Variants in PRKN observed in about 807,000 individuals in gnomAD.
The protein encoded by PRKN is parkin RBR E3 ubiquitin protein ligase.
Under a neutral mutation model 59.5 loss-of-function variants are expected in PRKN, and 56 were observed. The observed-to-expected ratio is 0.94, with a 90% CI of 0.76 to 1.18. The LOEUF is 1.18. Among genes scored for constraint, PRKN ranks in the 50% most tolerant of loss-of-function variants. The pLI is 0.00. For synonymous variants in PRKN, 250 were observed against 222.1 expected (o/e 1.13, Z -1.12); for missense variants, 657 against 596.4 (o/e 1.10, Z -1.06).
chr6:161,771,384 AAATAAAAT>A (rs1562670974), intron 7 of PRKN, among the ~76,000 whole-genome samples: 13 of 146,716 alleles, frequency 8.9e-5, no homozygotes, highest in African/African-American at 2.8e-4. Context: ...AAATAAAATA[AAATAAAAT>A]AAAATAAAAG....
intron 4 of PRKN, among the ~76,000 whole-genome samples, chr6:162,107,532 T>C (rs995023611): frequency 3.4e-4 from 51 of 152,206 alleles, no homozygotes; most frequent in African/African-American, 1.1e-3. Context: ...AACTAATCTT[T>C]TAAATGAGAG....
intron 7 of PRKN, among the ~76,000 whole-genome samples, chr6:161,676,062 G>A (rs1785074580): frequency 6.6e-6 from 1 of 152,170 alleles, no homozygotes; most frequent in Non-Finnish European, 1.5e-5. Context: ...GTAGTACTCG[G>A]CAGTGACTAC....
chr6:161,365,214 A>C (rs1785152685), intron 10 of PRKN, among the ~76,000 whole-genome samples: 1 of 152,224 alleles, frequency 6.6e-6, no homozygotes, highest in African/African-American at 2.4e-5. Flanking sequence ...GTATAAAATA[A>C]AATGGCAGAA....
At chr6:162,468,748 G>C (rs1018293221) in intron 1 of PRKN, among the ~76,000 whole-genome samples, 1 of 152,110 alleles carries the variant, frequency 6.6e-6, no homozygotes, top group Non-Finnish European at 1.5e-5. Flanking sequence ...AATTAAGTGT[G>C]GTCTCTTACC....
chr6:161,873,164 T>C (rs1476183859), intron 6 of PRKN, among the ~76,000 whole-genome samples: 3 of 151,896 alleles, frequency 2.0e-5, no homozygotes, highest in African/African-American at 7.2e-5. Flanking sequence ...CACACCCCAG[T>C]TGCAGTCAGT....
At chr6:161,822,721 G>A (rs1241673306) in intron 6 of PRKN, among the ~76,000 whole-genome samples, 1 of 151,988 alleles carries the variant, frequency 6.6e-6, no homozygotes, top group East Asian at 1.9e-4. Flanking sequence ...AAACCAGAGG[G>A]GTCTCAGATC....
chr6:162,558,327 C>CTTTTTTTTTT (rs71278562), intron 1 of PRKN, among the ~76,000 whole-genome samples: 2 of 132,724 alleles, frequency 1.5e-5, no homozygotes, highest in Non-Finnish European at 3.1e-5. Flanking sequence ...TTAATTTTCC[C>CTTTTTTTTTT]TTTTTTTTTT....
At chr6:162,602,621 T>C (rs758195119) in intron 1 of PRKN, among the ~76,000 whole-genome samples, 7 of 152,108 alleles carry the variant, frequency 4.6e-5, no homozygotes, top group Non-Finnish European at 8.8e-5. Flanking sequence ...CCATTGTAGG[T>C]ATCTGGGTTA....
intron 1 of PRKN, among the ~76,000 whole-genome samples, chr6:162,683,206 C>T (rs1463253104): frequency 6.6e-6 from 1 of 152,060 alleles, no homozygotes; most frequent in African/African-American, 2.4e-5. Context: ...CCTATGCTGT[C>T]CAAAAGAGTA....
rs1241861753 is a variant in PRKN, at chr6:161,562,149, C to T, written c.933+7206G>A. On this transcript the variant is annotated intron_variant, in intron 8 of 11. Coordinates refer to ENST00000366898, the MANE Select transcript of PRKN (RefSeq NM_004562.3). This position sits in a 1 kb window ranked among gnomAD's most constrained non-coding sequence, Gnocchi z 4.3. ...ATCAGCATTCCTCCTCTGGAAGCCC[C>T]GCCTTCTTGGCTTCCCCAACACCAT... Among the ~76,000 whole-genome samples, 6 of 151,996 alleles carry T rather than the reference C, an allele frequency of 3.9e-5. No individual in the cohort carries two copies. Among genetic ancestry groups the T allele is most frequent in the Non-Finnish European group, 5.9e-5 (4 of 68,004 alleles).
At chr6:162,706,505 G>C (rs935835603) in intron 1 of PRKN, among the ~76,000 whole-genome samples, 2 of 152,202 alleles carry the variant, frequency 1.3e-5, no homozygotes, top group African/African-American at 4.8e-5. Context: ...AAAGAAATAA[G>C]AGAATTGGGG....
intron 7 of PRKN, among the ~76,000 whole-genome samples, chr6:161,636,587 C>A (rs149888760): frequency 2.0e-5 from 3 of 152,146 alleles, no homozygotes; most frequent in African/African-American, 7.2e-5. Context: ...GAGCCACTTG[C>A]TCCTGTTTCG....
At chr6:161,625,524 G>T (rs1036334102) in intron 7 of PRKN, among the ~76,000 whole-genome samples, 2 of 152,106 alleles carry the variant, frequency 1.3e-5, no homozygotes, top group Non-Finnish European at 2.9e-5. Flanking sequence ...TAACGAACCT[G>T]CATGTTGTGC....
intron 4 of PRKN, among the ~76,000 whole-genome samples, chr6:162,071,751 A>G (rs1324466845): frequency 1.3e-5 from 2 of 151,948 alleles, no homozygotes; most frequent in Non-Finnish European, 2.9e-5. Flanking sequence ...ACATGGCACC[A>G]CACCCACTAA....
intron 4 of PRKN, among the ~76,000 whole-genome samples, chr6:162,065,186 A>G (rs1283059340): frequency 6.6e-6 from 1 of 152,222 alleles, no homozygotes; most frequent in Non-Finnish European, 1.5e-5. Flanking sequence ...GCACAGTCCG[A>G]GTCCAAAAGC....
At chr6:161,743,752 G>A (rs1484983309) in intron 7 of PRKN, among the ~76,000 whole-genome samples, 1 of 152,144 alleles carries the variant, frequency 6.6e-6, no homozygotes, top group South Asian at 2.1e-4. Context: ...TTGAGGGGAA[G>A]TACATGCATA....
At chr6:162,621,453 T>C (rs1782659422) in intron 1 of PRKN, among the ~76,000 whole-genome samples, 2 of 152,156 alleles carry the variant, frequency 1.3e-5, no homozygotes, top group South Asian at 4.1e-4. Flanking sequence ...TTCTATGAGC[T>C]AATCCCAGCC....
intron 9 of PRKN, among the ~76,000 whole-genome samples, chr6:161,524,808 A>G (rs566218640): frequency 5.3e-5 from 8 of 152,132 alleles, no homozygotes; most frequent in Non-Finnish European, 5.9e-5. Flanking sequence ...TTCACCTCTT[A>G]TCAGTGCACA....
chr6:161,740,400 C>T (rs1238000008), intron 7 of PRKN, among the ~76,000 whole-genome samples: 2 of 152,170 alleles, frequency 1.3e-5, no homozygotes, highest in East Asian at 1.9e-4. Context: ...GTTACTGCTA[C>T]TTGCCCTACC....
Sources: gnomAD v4.1 joint callset for allele counts (sites outside exome capture counted in the v4.1 genomes callset) on GRCh38, gnomAD v4.1.1 for gene constraint, Gnocchi (gnomAD v3.1) non-coding constraint, MANE v1.5 for transcripts, NCBI Gene and HGNC (gene_info 2026-07-23, HGNC 2026-07-21) for gene names.